VPS13B: variants seen among roughly 807,000 people sequenced by gnomAD.
VPS13B encodes intermembrane lipid transfer protein VPS13B.
VPS13B carries 285 observed loss-of-function variants against 426.4 expected under a neutral mutation model. That is an observed-to-expected ratio of 0.67 (90% CI 0.61 to 0.74). The LOEUF (loss-of-function observed/expected upper bound fraction) is 0.74, where lower values mean the gene tolerates loss of function less well. Among genes scored for constraint, VPS13B ranks in the 30% least tolerant of loss-of-function variants. VPS13B has a pLI of 0.00. For synonymous variants in VPS13B, 1,676 were observed against 1,676.4 expected, an observed-to-expected ratio of 1.00 and a Z score of 0.01; for missense variants, 4,537 against 4,782.6, an observed-to-expected ratio of 0.95 and a Z score of 1.51.
chr8:99,351,711 T>C (rs189032245), intron 19 of VPS13B, among the ~76,000 whole-genome samples: 71 of 152,224 alleles, frequency 4.7e-4, no homozygotes, highest in African/African-American at 1.6e-3. Context: ...AAATAACAAA[T>C]ATACATCTTA....
At chr8:99,210,972 A>T (rs929562686) in intron 17 of VPS13B, among the ~76,000 whole-genome samples, 1 of 152,084 alleles carries the variant, frequency 6.6e-6, no homozygotes, top group Non-Finnish European at 1.5e-5. Context: ...TTAAGGATAT[A>T]TGTGAGAACT....
At chr8:99,623,303 T>C (rs1351880383) in intron 33 of VPS13B, among the ~76,000 whole-genome samples, 1 of 152,188 alleles carries the variant, frequency 6.6e-6, no homozygotes, top group Non-Finnish European at 1.5e-5. Flanking sequence ...ATGACTTCCC[T>C]ATTTAAAACT....
At position 99,261,801 on chromosome 8, in the gene VPS13B, G is replaced by C. The variant is rs539959547; in HGVS notation, c.2516-12397G>C. 2.0e-5 allele frequency among the ~76,000 whole-genome samples: 3 copies of C among 152,260 alleles called. No homozygotes were observed. The South Asian group carries it at 6.2e-4, about 32-fold the overall frequency. ...GAATGTATGTGGTTAGTGTGACAAA[G>C]ACATGTAGGAGAGATTGTGATTCAT... On this transcript the variant is annotated intron_variant, in intron 17 of 61. Transcript: ENST00000357162.
At chr8:99,188,544 AT>A (rs1377510728) in intron 16 of VPS13B, among the ~76,000 whole-genome samples, 8 of 152,120 alleles carry the variant, frequency 5.3e-5, no homozygotes, top group Admixed American at 5.2e-4. Flanking sequence ...TTCTTGTGCA[AT>A]TTTTTGGTAT....
At chr8:99,557,843 C>A (rs762274694) in intron 31 of VPS13B, among the ~76,000 whole-genome samples, 1 of 152,058 alleles carries the variant, frequency 6.6e-6, no homozygotes, top group Admixed American at 6.6e-5. Context: ...GCTAGAAAGG[C>A]GGTATTAGGC....
chr8:99,349,332 CAAAAAAAAAAAA>C (rs35441676), intron 19 of VPS13B, among the ~76,000 whole-genome samples: 2 of 47,732 alleles, frequency 4.2e-5, no homozygotes, highest in South Asian at 1.4e-3. Flanking sequence ...GACTCCGTCT[CAAAAAAAAAAAA>C]AAAAAAAAAA....
At chr8:99,206,541 G>A (rs975555586) in intron 17 of VPS13B, among the ~76,000 whole-genome samples, 8 of 152,146 alleles carry the variant, frequency 5.3e-5, no homozygotes, top group South Asian at 2.1e-4. Flanking sequence ...CATTGACTTA[G>A]CCAAGCAACC....
In VPS13B at chr8:99,021,107, T is replaced by C. The variant is rs150096570; in HGVS notation, c.147+7172T>C. Among the ~76,000 whole-genome samples, 959 of 152,280 alleles carry C rather than the reference T, an allele frequency of 6.3e-3. 8 individuals carry two copies. The highest frequency in any genetic ancestry group is 0.022 in the African/African-American group (901 of 41,550). On this transcript the variant is annotated intron_variant, in intron 2 of 61. Coordinates refer to ENST00000357162, the MANE Select transcript of VPS13B (RefSeq NM_152564.5). The stretch of plus-strand genomic sequence containing the variant: ...CCTGGGCCTGCTTTTGTAAATACAG[T>C]TTTATTGAAACATAGCTATTCATTT...
At chr8:99,459,146 T>A (rs1818697643) in intron 23 of VPS13B, among the ~76,000 whole-genome samples, 1 of 152,168 alleles carries the variant, frequency 6.6e-6, no homozygotes, top group African/African-American at 2.4e-5. Flanking sequence ...GTCTAGCATA[T>A]GGTCTGTTTG....
chr8:99,777,460 G>A (rs1035654318), intron 41 of VPS13B, among the ~76,000 whole-genome samples: 7 of 152,106 alleles, frequency 4.6e-5, no homozygotes, highest in African/African-American at 7.2e-5. Flanking sequence ...ATCAGATCTC[G>A]TGAGACTTAT....
chr8:99,165,571 A>G (rs1486568444), intron 15 of VPS13B, among the ~76,000 whole-genome samples: 2 of 152,232 alleles, frequency 1.3e-5, no homozygotes, highest in Non-Finnish European at 2.9e-5. Flanking sequence ...CAGAACAAGG[A>G]GTTAGAGTAG....
At chr8:99,130,277 G>A (rs1018695236) in intron 8 of VPS13B, among the ~76,000 whole-genome samples, 1 of 151,634 alleles carries the variant, frequency 6.6e-6, no homozygotes, top group Non-Finnish European at 1.5e-5. Flanking sequence ...ACAAGATCAT[G>A]TTTCTACATT....
At chr8:99,409,911 T>G (rs1475461571) in intron 21 of VPS13B, among the ~76,000 whole-genome samples, 1 of 152,182 alleles carries the variant, frequency 6.6e-6, no homozygotes, top group African/African-American at 2.4e-5. Context: ...AATTTTCACT[T>G]CATAACTCAG....
chr8:99,348,852 C>T (rs1811697562), intron 19 of VPS13B, among the ~76,000 whole-genome samples: 1 of 151,910 alleles, frequency 6.6e-6, no homozygotes, highest in South Asian at 2.1e-4. Context: ...TTTAAACGCA[C>T]ATGAAATTGA....
chr8:99,631,749 A>C (rs1475437385), intron 33 of VPS13B, among the ~76,000 whole-genome samples: 1 of 151,796 alleles, frequency 6.6e-6, no homozygotes, highest in East Asian at 1.9e-4. Context: ...TATATATTTT[A>C]TTGGCTGGCT....
chr8:99,428,827 A>G (rs1377640821), intron 21 of VPS13B, among the ~76,000 whole-genome samples: 3 of 152,188 alleles, frequency 2.0e-5, no homozygotes, highest in African/African-American at 7.2e-5. Flanking sequence ...AGACACATGC[A>G]CACGTATGTT....
At chr8:99,235,900 CTTAT>C (rs1410652241) in intron 17 of VPS13B, among the ~76,000 whole-genome samples, 1 of 152,152 alleles carries the variant, frequency 6.6e-6, no homozygotes, top group Non-Finnish European at 1.5e-5. Context: ...ATGGTAACCA[CTTAT>C]TTATTTCATT....
At chr8:99,456,170 A>T (rs938817261) in intron 23 of VPS13B, among the ~76,000 whole-genome samples, 1 of 151,710 alleles carries the variant, frequency 6.6e-6, no homozygotes, top group Non-Finnish European at 1.5e-5. Flanking sequence ...TGAGACCTTG[A>T]ATTTATTTAT....
chr8:99,350,907 A>G (rs1261561839), intron 19 of VPS13B, among the ~76,000 whole-genome samples: 1 of 151,872 alleles, frequency 6.6e-6, no homozygotes, highest in Non-Finnish European at 1.5e-5. Flanking sequence ...AATATGTAAT[A>G]TTTTGAGTTA....
Sources: gnomAD v4.1 joint callset for allele counts (sites outside exome capture counted in the v4.1 genomes callset) on GRCh38, gnomAD v4.1.1 for gene constraint, MANE v1.5 for transcripts, NCBI Gene and HGNC (gene_info 2026-07-23, HGNC 2026-07-21) for gene names.